The following SVOP variants were observed in gnomAD, a reference collection of about 807,000 sequenced individuals.
SVOP encodes the protein synaptic vesicle 2-related protein.
Under a neutral mutation model 69.1 loss-of-function variants are expected in SVOP, and 17 were observed. That is an observed-to-expected ratio of 0.25 (90% CI 0.17 to 0.37). The LOEUF (loss-of-function observed/expected upper bound fraction) is 0.37. Ranked by LOEUF, SVOP falls within the 10% of genes least tolerant of loss-of-function variation. The pLI is 1.00. For missense variants in SVOP, 435 were observed against 597.5 expected (o/e 0.73, Z 2.84); for synonymous variants, 238 against 238.6 (o/e 1.00, Z 0.02).
chr12:108,997,772 A>G (rs551320536), intron 1 of SVOP, among the ~76,000 whole-genome samples: 5 of 151,854 alleles, frequency 3.3e-5, no homozygotes, highest in African/African-American at 9.7e-5. Flanking sequence ...AAGGAAAACT[A>G]ACAAACAGAA....
At chr12:108,995,816 G>T (rs531163282) in intron 1 of SVOP, among the ~76,000 whole-genome samples, 1 of 151,634 alleles carries the variant, frequency 6.6e-6, no homozygotes, top group East Asian at 1.9e-4. Context: ...CAGGACAATC[G>T]CTTGAATCTG....
chr12:109,009,491 G>C (rs2040329225), intron 1 of SVOP, among the ~76,000 whole-genome samples: 1 of 151,544 alleles, frequency 6.6e-6, no homozygotes, highest in Non-Finnish European at 1.5e-5. Context: ...CTGTAGAAAT[G>C]AGTGACTGCC....
intron 6 of SVOP, among the ~76,000 whole-genome samples, chr12:108,954,750 C>T (rs2039976141): frequency 6.6e-6 from 1 of 152,204 alleles, no homozygotes; most frequent in Non-Finnish European, 1.5e-5. Context: ...TATTTCTTAG[C>T]TGGGCGCCAT....
intron 5 of SVOP, among the ~76,000 whole-genome samples, chr12:108,971,806 G>A (rs1434976548): frequency 2.0e-5 from 3 of 151,876 alleles, no homozygotes; most frequent in Non-Finnish European, 2.9e-5. Context: ...TAATCCCAGC[G>A]CTGTGGGAAG....
intron 11 of SVOP, among the ~76,000 whole-genome samples, chr12:108,931,557 T>A (rs4989986): frequency 2.0e-5 from 3 of 151,968 alleles, no homozygotes; most frequent in Admixed American, 1.3e-4. Flanking sequence ...TTCCCGGCTC[T>A]GCATGGTGGC....
Position 108,973,586 on chromosome 12 carries a change from A to G in SVOP, c.382-1110T>C, listed in dbSNP as rs2040091221. Among the ~76,000 whole-genome samples, 4 of 152,092 alleles carry G rather than the reference A, an allele frequency of 2.6e-5. No homozygotes were observed. The South Asian group carries it at 8.3e-4, about 32-fold the overall frequency. On this transcript the variant is annotated intron_variant, in intron 4 of 15. Coordinates refer to ENST00000610966, the MANE Select transcript of SVOP (RefSeq NM_018711.5). ...TTATTTATTTATTTATTTAGTAGAG[A>G]CAGGATCTCACTTCGTTGTCCAGGT...
intron 11 of SVOP, among the ~76,000 whole-genome samples, chr12:108,928,415 G>A (rs1405382205): frequency 6.6e-6 from 1 of 152,036 alleles, no homozygotes; most frequent in African/African-American, 2.4e-5. Flanking sequence ...CTGTGATGGG[G>A]TTCAGGACAT....
Position 108,953,438 on chromosome 12 carries a change from C to T in SVOP, c.578+7485G>A, listed in dbSNP as rs191193762. Among the ~76,000 whole-genome samples the T allele has an allele frequency of 5.9e-5, 9 of 152,276 alleles. No homozygotes were observed. In the East Asian group the frequency reaches 1.4e-3, roughly 23 times the overall value. On this transcript the variant is annotated intron_variant, in intron 6 of 15. Coordinates refer to ENST00000610966, the MANE Select transcript of SVOP (RefSeq NM_018711.5). ...GCTTGGATTACAGGCGTGATCACCA[C>T]GCCCGGCCCTAATTGACATTTATAC...
chr12:108,926,153 T>C (rs1425731924), intron 11 of SVOP, among the ~76,000 whole-genome samples: 1 of 152,134 alleles, frequency 6.6e-6, no homozygotes, highest in Admixed American at 6.6e-5. Context: ...ACTCCTAGCC[T>C]CAAGCAATCC....
chr12:109,001,160 C>T (rs2040266861), intron 1 of SVOP, among the ~76,000 whole-genome samples: 1 of 55,080 alleles, frequency 1.8e-5, no homozygotes, highest in Non-Finnish European at 4.1e-5. Flanking sequence ...CATTCTTATA[C>T]ACCAATAACA....
intron 1 of SVOP, among the ~76,000 whole-genome samples, chr12:108,989,544 C>T (rs189873933): frequency 6.6e-6 from 1 of 152,260 alleles, no homozygotes; most frequent in African/African-American, 2.4e-5. Context: ...GGGTCCCGCC[C>T]GGGGGTGTGA....
intron 11 of SVOP, among the ~76,000 whole-genome samples, chr12:108,927,923 T>A (rs79119462): frequency 4.7e-5 from 7 of 149,506 alleles, no homozygotes; most frequent in Admixed American, 1.3e-4. Flanking sequence ...TTTTTTTTTT[T>A]GAGAGAGAGT....
chr12:108,939,066 A>T, intron 8 of SVOP, 111 bp from the exon 9 acceptor site: 1 of 1,477,570 alleles, frequency 6.8e-7, no homozygotes, highest in Non-Finnish European at 9.2e-7. Flanking sequence ...GGGGCTCTGG[A>T]GCCAGAGAGC....
chr12:108,986,690 A>C (rs36145722), intron 1 of SVOP, among the ~76,000 whole-genome samples: 135,391 of 152,152 alleles, frequency 0.89, 61,387 homozygotes, highest in Non-Finnish European at 0.99. Flanking sequence ...AAGTTGCTCA[A>C]TATTACGGAA....
At chr12:108,981,713 G>A (rs1417544773) in intron 2 of SVOP, among the ~76,000 whole-genome samples, 1 of 152,186 alleles carries the variant, frequency 6.6e-6, no homozygotes, top group Non-Finnish European at 1.5e-5. Flanking sequence ...GAACTGTTGT[G>A]AGGATTAGAT....
At chr12:109,011,972 G>A (rs2040344053) in intron 1 of SVOP, among the ~76,000 whole-genome samples, 1 of 151,976 alleles carries the variant, frequency 6.6e-6, no homozygotes, top group Non-Finnish European at 1.5e-5. Context: ...GAATTAGGGA[G>A]TTGCTGCAGG....
chr12:108,927,737 A>G (rs2039790097), intron 11 of SVOP, among the ~76,000 whole-genome samples: 1 of 151,880 alleles, frequency 6.6e-6, no homozygotes, highest in South Asian at 2.1e-4. Flanking sequence ...AGTAGCTGGG[A>G]CCACAGGCAC....
intron 13 of SVOP, among the ~76,000 whole-genome samples, chr12:108,918,808 T>C (rs924543509): frequency 1.3e-5 from 2 of 152,176 alleles, no homozygotes; most frequent in Non-Finnish European, 2.9e-5. Context: ...TATGATCTCA[T>C]TGGGAGATGA....
chr12:108,947,576 A>G (rs2039932606), intron 6 of SVOP, among the ~76,000 whole-genome samples: 1 of 151,844 alleles, frequency 6.6e-6, no homozygotes, highest in Admixed American at 6.6e-5. Context: ...TGCTCAATTT[A>G]CTTGTTTGCT....
Sources: gnomAD v4.1 joint callset for allele counts (sites outside exome capture counted in the v4.1 genomes callset) on GRCh38, gnomAD v4.1.1 for gene constraint, MANE v1.5 for transcripts, NCBI Gene and HGNC (gene_info 2026-07-23, HGNC 2026-07-21) for gene names.